PIGG: variants seen among roughly 807,000 people sequenced by gnomAD.
PIGG encodes GPI ethanolamine phosphate transferase 2, catalytic subunit.
A neutral mutation model predicts 83.2 loss-of-function variants in PIGG; 70 were observed. The ratio of observed to expected loss-of-function variants is 0.84; its 90% CI spans 0.69 to 1.03. PIGG has a LOEUF of 1.03. PIGG is among the 50% of genes least tolerant of loss of function. PIGG has a pLI of 0.00. For synonymous variants in PIGG, 532 were observed against 519.5 expected (o/e 1.02, Z -0.33); for missense variants, 1,257 against 1,233.6 (o/e 1.02, Z -0.28).
In PIGG at chr4:509,123, G is replaced by A. The variant is rs145128860; in HGVS notation, c.901+153G>A. Among the ~76,000 whole-genome samples the A allele has an allele frequency of 2.0e-4, 31 of 152,258 alleles. No individual in the cohort carries two copies. The South Asian group carries it at 4.1e-3, about 20-fold the overall frequency. On this transcript the variant is annotated intron_variant, in intron 5 of 12. Transcript: ENST00000453061. ...AAAAGTAATTGGGCAAAAGGCTTTT[G>A]GGATCTGAAGTTACGTTCCTTCCCG...
At position 523,911 on chromosome 4, in the gene PIGG, C is replaced by G. The variant is rs765240035; in HGVS notation, c.2067C>G (p.Thr689=). The G allele has an allele frequency of 1.3e-6, 2 of 1,515,124 alleles. No homozygotes were observed. Among genetic ancestry groups the G allele is most frequent in the African/African-American group, 1.4e-5 (1 of 72,482 alleles). The allele number at this position is 1,515,124 out of a possible 1,614,324, so 93.9% of individuals were successfully genotyped here. The stretch of plus-strand genomic sequence containing the variant: ...GGCCTGACCTCGGCCACTGGCTCAC[C>G]AGGTGAGAGCGTAGGCCCGTGGCCA... ...AHRPDLGHWL[T]SSDHKAELSV... The change falls in exon 9 of 13, where the codon ACC becomes ACG. Residue 689 remains threonine, a splice_region_variant and synonymous_variant. Coordinates refer to ENST00000453061, the MANE Select transcript of PIGG (RefSeq NM_001127178.3).
intron 2 of PIGG, among the ~76,000 whole-genome samples, chr4:503,430 A>G (rs1718467662): frequency 6.6e-6 from 1 of 152,130 alleles, no homozygotes; most frequent in South Asian, 2.1e-4. Context: ...TCATCCTCAT[A>G]TAGGCCCCCT....
At chr4:529,282 A>T (rs1308222413) in intron 10 of PIGG, among the ~76,000 whole-genome samples, 1 of 152,138 alleles carries the variant, frequency 6.6e-6, no homozygotes, top group African/African-American at 2.4e-5. Flanking sequence ...CCCTTCTTTG[A>T]ATGCAGATGG....
At chr4:527,885 C>T (rs1437218182) in intron 10 of PIGG, 1 of 985,220 alleles carries the variant, frequency 1.0e-6, no homozygotes, top group East Asian at 1.1e-4. Context: ...TGTGGGTGAC[C>T]CTCTATTTAA....
At chr4:537,827 A>AG (rs1271537078) in intron 12 of PIGG, among the ~76,000 whole-genome samples, 1 of 152,194 alleles carries the variant, frequency 6.6e-6, no homozygotes, top group Non-Finnish European at 1.5e-5. Context: ...GAGGCTGTGG[A>AG]GGGGCCAGAG....
chr4:507,647 C>T, intron 4 of PIGG, 54 bp downstream of exon 4: 1 of 1,460,156 alleles, frequency 6.8e-7, no homozygotes. Flanking sequence ...TGGATGTTCC[C>T]TAGAATAAAT....
Position 505,846 on chromosome 4 carries a change from T to C in PIGG, c.489T>C (p.Asp163=), listed in dbSNP as rs1179417365. 2 of 1,613,538 alleles carry C rather than the reference T, an allele frequency of 1.2e-6. No homozygotes were observed. The highest frequency in any genetic ancestry group is 8.5e-7 in the Non-Finnish European group (1 of 1,179,880). ...GAAAAAGAATAGTCTTTTATGGAGATGAAACCTGGGTTAAATTATTCCCAA... is the reference window on the plus strand; with the variant it reads ...GAAAAAGAATAGTCTTTTATGGAGACGAAACCTGGGTTAAATTATTCCCAA... ...AAGKRIVFYG[D]ETWVKLFPKH... The change falls in exon 3 of 13, where the codon GAT becomes GAC. Residue 163 remains aspartate, a synonymous_variant. Transcript: ENST00000453061.
In PIGG at chr4:530,547, T is replaced by C. The variant is rs1298953923; in HGVS notation, c.2373T>C (p.Thr791=). The change falls in exon 11 of 13, where the codon ACT becomes ACC. Residue 791 remains threonine, a synonymous_variant. Transcript: ENST00000453061. ...TTGCTGCAGACTTCAAACTCAAGAC[T>C]GTAGGTTTATGGGAGATATATAGTG... ...QVIAADFKLK[T]VGLWEIYSGL... is the part of the protein sequence containing the mutation. The C allele has an allele frequency of 1.2e-6, 2 of 1,613,580 alleles. No homozygotes were observed. The highest frequency in any genetic ancestry group is 4.5e-5 in the East Asian group (2 of 44,884).
At chr4:505,454 T>G (rs1231365472) in intron 2 of PIGG, among the ~76,000 whole-genome samples, 1 of 103,892 alleles carries the variant, frequency 9.6e-6, no homozygotes, top group Non-Finnish European at 1.8e-5. Flanking sequence ...GGACCCTGTA[T>G]CTACCAAAAA....
In PIGG at chr4:528,673, G is replaced by C; in HGVS notation, c.2261+1443G>C. 1.0e-6 allele frequency: 1 copy of C among 985,150 alleles called. No individual in the cohort carries two copies. Among genetic ancestry groups the C allele is most frequent in the Non-Finnish European group, 1.2e-6 (1 of 829,702 alleles). The allele number at this position is 985,150 out of a possible 1,614,324, so 61.0% of individuals were successfully genotyped here. A position where few individuals can be genotyped will look rare whatever the true frequency, so the allele number is the denominator to read the frequency against. On this transcript the variant is annotated intron_variant, in intron 10 of 12. Coordinates refer to ENST00000453061, the MANE Select transcript of PIGG (RefSeq NM_001127178.3). The surrounding 1 kb of genome is among the most constrained non-coding windows in gnomAD (Gnocchi z 4.8). ...TCATCCAAATGGATGTTACATTTGC[G>C]GGTGTGTGTTTAAGGTGCAGCGTAT...
intron 11 of PIGG, chr4:532,757 C>G (rs1170502872): frequency 1.3e-5 from 2 of 152,280 alleles, no homozygotes; most frequent in Non-Finnish European, 2.9e-5. Flanking sequence ...GGAGAGGGAT[C>G]TTCGTTGAGC....
chr4:503,006 T>C (rs1718292790), intron 2 of PIGG, among the ~76,000 whole-genome samples: 1 of 151,988 alleles, frequency 6.6e-6, no homozygotes, highest in Non-Finnish European at 1.5e-5. Flanking sequence ...GAAAGCGGAA[T>C]GGCCAATAAG....
chr4:521,026 G>C (rs751574936), intron 6 of PIGG, 30 bp from the exon 7 acceptor site: 1 of 1,447,734 alleles, frequency 6.9e-7, no homozygotes. Flanking sequence ...GTGTGTGTGC[G>C]CGCCTGTAAC....
intron 12 of PIGG, among the ~76,000 whole-genome samples, chr4:538,926 T>C (rs936385009): frequency 1.3e-5 from 2 of 152,184 alleles, no homozygotes; most frequent in African/African-American, 4.8e-5. Context: ...CCTCCTTCAC[T>C]AGAACACAGC....
intron 4 of PIGG, among the ~76,000 whole-genome samples, chr4:507,956 C>G (rs1165725750): frequency 6.6e-6 from 1 of 152,112 alleles, no homozygotes; most frequent in Non-Finnish European, 1.5e-5. Flanking sequence ...ACTCTCTCTT[C>G]TGTGTCACTC....
At chr4:509,489 C>T (rs536889277) in intron 5 of PIGG, among the ~76,000 whole-genome samples, 20 of 152,322 alleles carry the variant, frequency 1.3e-4, no homozygotes, top group South Asian at 1.0e-3. Context: ...TCGCGGCCGC[C>T]GGCCTTGCTG....
At chr4:510,383 G>A (rs1721486660) in intron 5 of PIGG, among the ~76,000 whole-genome samples, 1 of 152,232 alleles carries the variant, frequency 6.6e-6, no homozygotes, top group African/African-American at 2.4e-5. Context: ...CCTTTAAGCG[G>A]TTTTCCACCC....
intron 9 of PIGG, chr4:525,036 G>T (rs1441370690): frequency 5.4e-6 from 1 of 183,950 alleles, no homozygotes; most frequent in East Asian, 1.9e-4. Flanking sequence ...CTATCCTGCT[G>T]CTGATGATCC....
At chr4:533,303 C>T (rs368625079) in intron 11 of PIGG, 51 of 158,930 alleles carry the variant, frequency 3.2e-4, no homozygotes, top group African/African-American at 1.2e-3. Context: ...GCTGGCCTGC[C>T]CTCCACCATA....
Sources: gnomAD v4.1 joint callset for allele counts (sites outside exome capture counted in the v4.1 genomes callset) on GRCh38, gnomAD v4.1.1 for gene constraint, Gnocchi (gnomAD v3.1) non-coding constraint, MANE v1.5 for transcripts, NCBI Gene and HGNC (gene_info 2026-07-23, HGNC 2026-07-21) for gene names.